The following PLB1 variants were observed in gnomAD, a reference collection of about 807,000 sequenced individuals.
PLB1 encodes phospholipase B1, membrane-associated.
A neutral mutation model predicts 227.4 loss-of-function variants in PLB1; 242 were observed. The ratio of observed to expected loss-of-function variants is 1.06; its 90% CI spans 0.96 to 1.18. PLB1 has a LOEUF of 1.18. PLB1 is among the 50% of genes most tolerant of loss of function. The probability of loss-of-function intolerance (pLI) is 0.00; values close to 1 mark genes in which losing one functional copy is unlikely to be tolerated. For synonymous variants in PLB1, 757 were observed against 682.2 expected (o/e 1.11, Z -1.71); for missense variants, 1,858 against 1,816.3 (o/e 1.02, Z -0.42).
At chr2:28,526,221 G>A (rs1272998530) in intron 6 of PLB1, among the ~76,000 whole-genome samples, 1 of 152,094 alleles carries the variant, frequency 6.6e-6, no homozygotes, top group Admixed American at 6.5e-5. Context: ...GGGCTTAGGG[G>A]CCAGCTGGAA....
chr2:28,503,743 C>T (rs1667352349), intron 1 of PLB1, among the ~76,000 whole-genome samples: 1 of 152,106 alleles, frequency 6.6e-6, no homozygotes, highest in African/African-American at 2.4e-5. Flanking sequence ...ACATGGGGAC[C>T]CAAGGTCCCA....
intron 1 of PLB1, among the ~76,000 whole-genome samples, chr2:28,509,766 G>C (rs1359218968): frequency 6.6e-6 from 1 of 152,164 alleles, no homozygotes; most frequent in Non-Finnish European, 1.5e-5. Context: ...CCTTTCAAAA[G>C]GGGAGAGTTC....
intron 30 of PLB1, 76 bp downstream of exon 30, chr2:28,591,247 G>T: frequency 6.4e-7 from 1 of 1,574,062 alleles, no homozygotes; most frequent in Non-Finnish European, 8.7e-7. Flanking sequence ...GGCCCAACAG[G>T]ACAGGGTGGG....
chr2:28,553,356 C>CT (rs1392297940), intron 17 of PLB1, among the ~76,000 whole-genome samples: 4 of 152,344 alleles, frequency 2.6e-5, no homozygotes, highest in African/African-American at 9.6e-5. Flanking sequence ...TAGTCCCTGT[C>CT]TGAGTTGCCT....
chr2:28,612,587 T>C (rs546456253), intron 43 of PLB1, among the ~76,000 whole-genome samples: 1 of 151,712 alleles, frequency 6.6e-6, no homozygotes, highest in South Asian at 2.1e-4. Context: ...ACGAGATCAC[T>C]TTTCCAACAT....
rs775428571 is a variant in PLB1 at position 28,604,754 on chromosome 2, C to A, written c.2956C>A (p.Leu986Met). 6.2e-7 allele frequency: 1 copy of A among 1,613,944 alleles called. No homozygotes were observed. Among genetic ancestry groups the A allele is most frequent in the South Asian group, 1.1e-5 (1 of 91,066 alleles). The change falls in exon 41 of 58, where the codon CTG (leucine) becomes ATG (methionine). Residue 986 changes from leucine to methionine, a missense_variant. By Grantham distance (15) the Leu-to-Met change is conservative (BLOSUM62 2). Transcript: ENST00000327757. Reference sequence around the variant, plus strand: ...CTTCCAGAACATCCAGCTCCCTGTCCTGGCGGTATGTCCCCTGCCCTCACC... The same window carrying A: ...CTTCCAGAACATCCAGCTCCCTGTCATGGCGGTATGTCCCCTGCCCTCACC... ...PFFQNIQLPV[L>M]ADGLPDTSFF...
At chr2:28,522,789 C>T (rs146186208) in intron 4 of PLB1, among the ~76,000 whole-genome samples, 201 of 152,296 alleles carry the variant, frequency 1.3e-3, no homozygotes, top group African/African-American at 4.6e-3. Flanking sequence ...TGTGCACTGA[C>T]GGGTACCTCG....
intron 13 of PLB1, among the ~76,000 whole-genome samples, chr2:28,542,400 T>A (rs1434152776): frequency 6.6e-6 from 1 of 152,006 alleles, no homozygotes; most frequent in Admixed American, 6.6e-5. Flanking sequence ...AGCTCTGGGG[T>A]GACCAGCTGT....
chr2:28,504,692 A>C (rs60437954), intron 1 of PLB1, among the ~76,000 whole-genome samples: 3,799 of 152,210 alleles, frequency 0.025, 158 homozygotes, highest in African/African-American at 0.088. Flanking sequence ...CAGTGAGCCG[A>C]GATTGGGCCA....
chr2:28,548,383 T>A, intron 14 of PLB1: 1 of 303,504 alleles, frequency 3.3e-6, no homozygotes, highest in South Asian at 2.8e-5. Context: ...AGAAAGTAGC[T>A]GGGCAGCAAG....
intron 16 of PLB1, among the ~76,000 whole-genome samples, chr2:28,550,525 ATTTTT>A (rs34468949): frequency 2.3e-5 from 3 of 132,210 alleles, no homozygotes; most frequent in Non-Finnish European, 3.2e-5. Context: ...CCTCAATACA[ATTTTT>A]TTTTTTTTTT....
At chr2:28,575,558 A>G (rs1224952022) in intron 21 of PLB1, among the ~76,000 whole-genome samples, 1 of 152,096 alleles carries the variant, frequency 6.6e-6, no homozygotes, top group Non-Finnish European at 1.5e-5. Context: ...AATGGCTAAC[A>G]CAGACCCCAA....
intron 56 of PLB1, 63 bp from the exon 57 acceptor site, chr2:28,640,864 C>A: frequency 1.3e-6 from 2 of 1,507,286 alleles, no homozygotes; most frequent in South Asian, 2.4e-5. Flanking sequence ...TGAGACACCC[C>A]CTCAGAGAGG....
chr2:28,526,344 G>A (rs1358008062), intron 6 of PLB1, among the ~76,000 whole-genome samples: 4 of 151,962 alleles, frequency 2.6e-5, no homozygotes, highest in South Asian at 2.1e-4. Context: ...GGACCCAGCC[G>A]AATTTCCAGT....
intron 17 of PLB1, among the ~76,000 whole-genome samples, chr2:28,558,203 C>T (rs1675459332): frequency 1.3e-5 from 2 of 151,454 alleles, no homozygotes; most frequent in African/African-American, 4.9e-5. Context: ...CTGCCTGCTA[C>T]AAATTTAGGA....
intron 17 of PLB1, among the ~76,000 whole-genome samples, chr2:28,560,821 T>C (rs999963768): frequency 6.6e-6 from 1 of 152,222 alleles, no homozygotes; most frequent in African/African-American, 2.4e-5. Context: ...TTACCAGATA[T>C]TGGTTAGGCC....
intron 14 of PLB1, among the ~76,000 whole-genome samples, chr2:28,546,076 T>TG (rs36122333): frequency 0.4 from 61,316 of 151,836 alleles, 12,762 homozygotes; most frequent in South Asian, 0.48. Flanking sequence ...CCCATCAGCA[T>TG]GGGAGGTGAC....
Position 28,533,525 on chromosome 2 carries a change from T to C in PLB1, c.555+1331T>C, listed in dbSNP as rs4666087. 3.6e-3 allele frequency among the ~76,000 whole-genome samples: 545 copies of C among 152,372 alleles called. 11 individuals are homozygous for C. Among genetic ancestry groups the C allele is most frequent in the Admixed American group, 0.024 (374 of 15,310 alleles). ...CTCATTAATCCATGACATTAACTCA[T>C]GCATTTATGCAGTCACGCACTGAAG... On this transcript the variant is annotated intron_variant, in intron 9 of 57. Coordinates refer to ENST00000327757, the MANE Select transcript of PLB1 (RefSeq NM_153021.5).
At chr2:28,567,883 C>A (rs1363671751) in intron 20 of PLB1, among the ~76,000 whole-genome samples, 1 of 152,170 alleles carries the variant, frequency 6.6e-6, no homozygotes, top group African/African-American at 2.4e-5. Flanking sequence ...AAATTGAATT[C>A]TTCCCCTGGA....
Sources: gnomAD v4.1 joint callset for allele counts (sites outside exome capture counted in the v4.1 genomes callset) on GRCh38, gnomAD v4.1.1 for gene constraint, MANE v1.5 for transcripts, NCBI Gene and HGNC (gene_info 2026-07-23, HGNC 2026-07-21) for gene names.